The following DGKE variants were observed in gnomAD, a reference collection of about 807,000 sequenced individuals.
DGKE encodes DAG kinase epsilon.
Under a neutral mutation model 70.0 loss-of-function variants are expected in DGKE, and 53 were observed. That is an observed-to-expected ratio of 0.76 (90% CI 0.61 to 0.95). The LOEUF is 0.95. Ranked by LOEUF, DGKE falls within the 40% of genes least tolerant of loss-of-function variation. DGKE has a pLI of 0.00. For missense variants in DGKE, 655 were observed against 706.9 expected (o/e 0.93, Z 0.83); for synonymous variants, 291 against 257.0 (o/e 1.13, Z -1.27).
intron 10 of DGKE, 78 bp from the exon 11 acceptor site, chr17:56,862,060 CTG>C (rs1376663582): frequency 6.4e-7 from 1 of 1,556,102 alleles, no homozygotes; most frequent in Non-Finnish European, 8.8e-7. Flanking sequence ...GATGGTCCAA[CTG>C]TGTTAAAAAG....
At chr17:56,850,069 G>T (rs2082407488) in intron 7 of DGKE, among the ~76,000 whole-genome samples, 1 of 151,780 alleles carries the variant, frequency 6.6e-6, no homozygotes, top group South Asian at 2.1e-4. Context: ...GAATGCATAA[G>T]AGAATGTGGG....
Position 56,867,714 on chromosome 17 carries a change from T to A in DGKE, c.*4923T>A, listed in dbSNP as rs1598056272. 1 of 151,452 alleles carries A rather than the reference T, an allele frequency of 6.6e-6. No individual in the cohort carries two copies. Among genetic ancestry groups the A allele is most frequent in the Admixed American group, 6.6e-5 (1 of 15,212 alleles). 9.4% of individuals were successfully genotyped at this position (151,452 alleles called of 1,614,324 possible). On this transcript the variant is annotated 3_prime_UTR_variant, in exon 12 of 12. Transcript: ENST00000284061. ...ATCGAGACTATCCTGGCTAACACGG[T>A]GACACCCCGCCTCTACTAAAAATCC...
chr17:56,839,122 T>G (rs906921893), intron 2 of DGKE, among the ~76,000 whole-genome samples: 1 of 152,188 alleles, frequency 6.6e-6, no homozygotes, highest in African/African-American at 2.4e-5. Context: ...ATATATTTGC[T>G]AAAATATTGA....
In DGKE at chr17:56,845,809, G is replaced by A. The variant is rs1190583230; in HGVS notation, c.744G>A (p.Gln248=). The part of the protein sequence containing the change: ...GEFRILLNPV[Q]VFDVTKTPPI... ...TTAGGATCTTGTTGAATCCAGTCCAGGTAACTAAAGAAAAAAACTTTTTAT... is the reference window on the plus strand; with the variant it reads ...TTAGGATCTTGTTGAATCCAGTCCAAGTAACTAAAGAAAAAAACTTTTTAT... Residue 248 remains glutamine, a splice_region_variant and synonymous_variant, in exon 4 of 12, where the codon CAG becomes CAA. Coordinates refer to ENST00000284061, the MANE Select transcript of DGKE (RefSeq NM_003647.3). 1 of 1,564,854 alleles carries A rather than the reference G, an allele frequency of 6.4e-7. No homozygotes were observed. Among genetic ancestry groups the A allele is most frequent in the South Asian group, 1.2e-5 (1 of 82,228 alleles).
chr17:56,849,251 A>G lies in DGKE; in HGVS notation c.1098+19A>G. On this transcript the variant is annotated intron_variant, in intron 7 of 11. Transcript: ENST00000284061. The stretch of plus-strand genomic sequence containing the variant: ...ACCCAAGGTATGTTGTTAGTGCCTC[A>G]GTTGCAAGTGGTTTCAGCTTCATTG... The G allele has an allele frequency of 6.2e-7, 1 of 1,606,806 alleles. No homozygotes were observed. The highest frequency in any genetic ancestry group is 8.5e-7 in the Non-Finnish European group (1 of 1,177,200).
chr17:56,863,056 GT>G lies in DGKE; in HGVS notation c.*267del. 3.5e-6 allele frequency: 1 copy of G among 283,514 alleles called. No homozygotes were observed. 17.6% of individuals were successfully genotyped at this position (283,514 alleles called of 1,614,324 possible). A position where few individuals can be genotyped will look rare whatever the true frequency, so the allele number is the denominator to read the frequency against. Reference sequence around the variant, plus strand: ...AAAACTTACATGAGAGTGAAAATTTGTTATGACTGTTTTGAGAGTGGGACTC... The same window carrying G: ...AAAACTTACATGAGAGTGAAAATTTGTATGACTGTTTTGAGAGTGGGACTC... On this transcript the variant is annotated 3_prime_UTR_variant, in exon 12 of 12. Coordinates refer to ENST00000284061, the MANE Select transcript of DGKE (RefSeq NM_003647.3).
chr17:56,858,636 G>C lies in DGKE; in HGVS notation c.1255G>C (p.Glu419Gln). The C allele has an allele frequency of 6.2e-7, 1 of 1,605,652 alleles. No individual in the cohort carries two copies. ...TGGAACCAAAGATTGTTTAGTGCAA[G>C]AATGTAAAGATTTGAATAAAAAAGT... ...FYGTKDCLVQ[E>Q]CKDLNKKVEL... Residue 419 changes from glutamate (E) to glutamine (Q), a missense_variant, in exon 9 of 12, where the codon GAA (glutamate) becomes CAA (glutamine). Glu to Gln is a conservative substitution (Grantham distance 29, BLOSUM62 2). Coordinates refer to ENST00000284061, the MANE Select transcript of DGKE (RefSeq NM_003647.3).
rs1004442601 is a variant in DGKE, at chr17:56,864,596, T to G, written c.*1805T>G. 3.3e-5 allele frequency: 5 copies of G among 151,692 alleles called. No individual in the cohort carries two copies. Among genetic ancestry groups the G allele is most frequent in the Non-Finnish European group, 7.4e-5 (5 of 67,910 alleles). 9.4% of individuals were successfully genotyped at this position (151,692 alleles called of 1,614,324 possible). On this transcript the variant is annotated 3_prime_UTR_variant, in exon 12 of 12. Coordinates refer to ENST00000284061, the MANE Select transcript of DGKE (RefSeq NM_003647.3). ...CAGTGAGGATGGCAGAGTTTTGTTT[T>G]TTTTTTTTTTAATGGGCCAATCATG...
Position 56,840,920 on chromosome 17 carries a change from C to T in DGKE, c.465-3099C>T, listed in dbSNP as rs568792030. On this transcript the variant is annotated intron_variant, in intron 2 of 11. Transcript: ENST00000284061. ...GCAGGATCACTTGAGCCCAGGAGTT[C>T]AGGCCAGTGTGAGCAACATAGTGAG... Among the ~76,000 whole-genome samples the T allele has an allele frequency of 2.8e-3, 419 of 151,952 alleles. 1 individual carries two copies. The highest frequency in any genetic ancestry group is 4.5e-3 in the Non-Finnish European group (307 of 67,972).
At chr17:56,843,924 TTA>T (rs1420504701) in intron 2 of DGKE, 93 bp from the exon 3 acceptor site, 18 of 1,232,940 alleles carry the variant, frequency 1.5e-5, no homozygotes, top group Non-Finnish European at 2.0e-5. Flanking sequence ...AGTGATAAAA[TTA>T]TGTTTTATTT....
chr17:56,851,689 C>G (rs1428084590), intron 7 of DGKE, among the ~76,000 whole-genome samples: 2 of 151,978 alleles, frequency 1.3e-5, no homozygotes, highest in Non-Finnish European at 2.9e-5. Context: ...GAGAGAGCCC[C>G]AAAGAAACAA....
chr17:56,861,987 T>C, intron 10 of DGKE, 69 bp downstream of exon 10: 1 of 1,545,312 alleles, frequency 6.5e-7, no homozygotes, highest in Non-Finnish European at 8.7e-7. Context: ...TTTATAGACT[T>C]TAACATTTTT....
intron 7 of DGKE, 81 bp downstream of exon 7, chr17:56,849,313 C>T: frequency 7.7e-7 from 1 of 1,291,328 alleles, no homozygotes; most frequent in Admixed American, 2.1e-5. Context: ...ATACAGAGAC[C>T]TGGTGCTTAT....
At chr17:56,856,693 T>A (rs976482277) in intron 8 of DGKE, 68 bp downstream of exon 8, 32 of 1,511,414 alleles carry the variant, frequency 2.1e-5, no homozygotes, top group Non-Finnish European at 2.8e-5. Flanking sequence ...AGTTCAATTA[T>A]ATTTAGCACT....
intron 4 of DGKE, chr17:56,846,052 A>C: frequency 3.7e-6 from 1 of 269,614 alleles, no homozygotes; most frequent in South Asian, 1.3e-4. Flanking sequence ...ATCTTCTAGC[A>C]AGTCCTCTAC....
chr17:56,844,034 G>A lies in DGKE; in HGVS notation c.480G>A (p.Gln160=), dbSNP rs1598024694. The A allele has an allele frequency of 2.6e-6, 4 of 1,541,548 alleles. No individual in the cohort carries two copies. Among genetic ancestry groups the A allele is most frequent in the Non-Finnish European group, 3.5e-6 (4 of 1,152,248 alleles). Reference sequence around the variant, plus strand: ...CTTCCCTCAGGTGCATTTGGTGCCAGAAAACAGTACATGATGAGTGCATGA... The same window carrying A: ...CTTCCCTCAGGTGCATTTGGTGCCAAAAAACAGTACATGATGAGTGCATGA... The part of the protein sequence containing the change: ...KLCDYRCIWC[Q]KTVHDECMKN... Residue 160 remains glutamine (Q), a synonymous_variant, in exon 3 of 12, where the codon CAG becomes CAA. Transcript: ENST00000284061.
rs753872019 is a variant in DGKE, at chr17:56,848,852, C to A, written c.1045C>A (p.Arg349=). The change falls in exon 6 of 12, where the codon CGA becomes AGA. Residue 349 remains arginine (R), a splice_region_variant and synonymous_variant. Transcript: ENST00000284061. ...GGAAGCAGATGGAATTAAACTAGATCGGTAAGTTACGTTTCCCCAAAAAGT... is the reference window on the plus strand; with the variant it reads ...GGAAGCAGATGGAATTAAACTAGATAGGTAAGTTACGTTTCCCCAAAAAGT... ...VMEADGIKLD[R]WKVQVTNKGY... is the part of the protein sequence containing the mutation. The A allele has an allele frequency of 2.0e-5, 33 of 1,614,020 alleles. No individual in the cohort carries two copies. Among genetic ancestry groups the A allele is most frequent in the Middle Eastern group, 1.6e-4 (1 of 6,062 alleles).
chr17:56,837,360 A>G (rs1245265221), intron 2 of DGKE, among the ~76,000 whole-genome samples: 2 of 152,198 alleles, frequency 1.3e-5, no homozygotes, highest in African/African-American at 4.8e-5. Flanking sequence ...CTTTAAAAAC[A>G]TGCACCTCCG....
At chr17:56,856,995 G>C (rs1376853585) in intron 8 of DGKE, among the ~76,000 whole-genome samples, 1 of 152,050 alleles carries the variant, frequency 6.6e-6, no homozygotes, top group Admixed American at 6.5e-5. Context: ...CCACTCGGGA[G>C]GCTGAGGTAG....
Sources: allele counts gnomAD v4.1 joint callset (sites outside exome capture counted in the v4.1 genomes callset), GRCh38; gene constraint gnomAD v4.1.1; transcripts MANE v1.5; gene names NCBI Gene and HGNC (gene_info 2026-07-23, HGNC 2026-07-21).